Variants in DNAH3 observed in about 807,000 individuals in gnomAD.
DNAH3 encodes the protein axonemal beta dynein heavy chain 3.
A neutral mutation model predicts 432.5 loss-of-function variants in DNAH3; 332 were observed. The ratio of observed to expected loss-of-function variants is 0.77; its 90% CI spans 0.70 to 0.84. DNAH3 has a LOEUF of 0.84. DNAH3 is among the 40% of genes least tolerant of loss of function. The pLI is 0.00. For missense variants in DNAH3, 4,861 were observed against 5,114.0 expected (o/e 0.95, Z 1.51); for synonymous variants, 1,956 against 1,900.2 (o/e 1.03, Z -0.76).
chr16:21,145,030 T>C (rs2092764780), intron 3 of DNAH3, 151 bp downstream of exon 4: 1 of 647,026 alleles, frequency 1.5e-6, no homozygotes, highest in African/African-American at 1.8e-5. Flanking sequence ...GAGAATCACT[T>C]GAATCCGGGA....
At chr16:21,117,394 C>T in intron 11 of DNAH3, 55 bp from the exon 12 acceptor site, 1 of 983,754 alleles carries the variant, frequency 1.0e-6, no homozygotes, top group Admixed American at 2.2e-5. Context: ...GGAGATGGTA[C>T]CCAAATGCAA....
chr16:21,039,789 T>A, intron 33 of DNAH3, 63 bp downstream of exon 33: 2 of 1,202,562 alleles, frequency 1.7e-6, no homozygotes, highest in Non-Finnish European at 2.5e-6. Flanking sequence ...ACCTTGAATC[T>A]GCCACGCAAA....
intron 3 of DNAH3, 23 bp downstream of exon 4, chr16:21,145,158 G>T (rs1485616553): frequency 1.3e-6 from 2 of 1,573,250 alleles, no homozygotes; most frequent in Admixed American, 1.7e-5. Flanking sequence ...CATTCTGCAA[G>T]GGTGTGACAC....
exon 4 of DNAH3, chr16:21,141,304 T>C (rs1166996792): frequency 6.3e-7 from 1 of 1,585,702 alleles, no homozygotes; most frequent in African/African-American, 1.3e-5. Flanking sequence ...TCTTACCTAG[T>C]GGAATCCTCT....
intron 36 of DNAH3, among the ~76,000 whole-genome samples, chr16:21,033,394 C>A (rs2088994092): frequency 6.6e-6 from 1 of 152,184 alleles, no homozygotes; most frequent in South Asian, 2.1e-4. Flanking sequence ...CCATTTGTTG[C>A]GTAGGCACTG....
chr16:20,979,584 A>T (rs765848723), intron 49 of DNAH3, 38 bp from the exon 50 acceptor site: 1 of 1,582,868 alleles, frequency 6.3e-7, no homozygotes. Flanking sequence ...AGGACCCAAC[A>T]TCTTCCAGGG....
intron 23 of DNAH3, among the ~76,000 whole-genome samples, chr16:21,067,955 C>T (rs1171775859): frequency 6.6e-6 from 1 of 152,018 alleles, no homozygotes; most frequent in Non-Finnish European, 1.5e-5. Flanking sequence ...TTGGTCTTCT[C>T]GTTTCAGCTA....
At chr16:21,111,915 CAA>C (rs1453880363) in intron 13 of DNAH3, 76 bp downstream of exon 13, 2 of 1,548,602 alleles carry the variant, frequency 1.3e-6, no homozygotes, top group East Asian at 4.5e-5. Context: ...GTCTATGCAC[CAA>C]AGAGACACTA....
exon 29 of DNAH3, chr16:21,051,677 A>G: frequency 6.2e-7 from 1 of 1,613,044 alleles, no homozygotes; most frequent in Non-Finnish European, 8.5e-7. Flanking sequence ...TACCTGTAGC[A>G]GCGGTCGGTG....
At chr16:21,071,819 G>C (rs1223367581) in intron 21 of DNAH3, among the ~76,000 whole-genome samples, 3 of 151,970 alleles carry the variant, frequency 2.0e-5, no homozygotes, top group African/African-American at 7.3e-5. Flanking sequence ...CTGCTGGGGA[G>C]GAAGATTTCT....
chr16:20,996,142 T>A (rs1327578282), intron 44 of DNAH3, among the ~76,000 whole-genome samples: 2 of 152,248 alleles, frequency 1.3e-5, no homozygotes, highest in Admixed American at 1.3e-4. Flanking sequence ...ATCTGAAAAC[T>A]GTGCAGCCTT....
intron 1 of DNAH3, among the ~76,000 whole-genome samples, chr16:21,152,527 A>G (rs534964817): frequency 6.6e-6 from 1 of 152,254 alleles, no homozygotes; most frequent in Non-Finnish European, 1.5e-5. Context: ...CCACCGCTGC[A>G]CTGTGAGAGC....
At chr16:21,130,999 A>G (rs1048146876) in intron 7 of DNAH3, among the ~76,000 whole-genome samples, 8 of 151,944 alleles carry the variant, frequency 5.3e-5, no homozygotes, top group Admixed American at 3.9e-4. Context: ...TTAGCTAACA[A>G]CTCCAGGAGG....
At chr16:21,067,457 T>A in intron 23 of DNAH3, 38 bp from the exon 24 acceptor site, 2 of 1,609,250 alleles carry the variant, frequency 1.2e-6, no homozygotes, top group Non-Finnish European at 1.7e-6. Context: ...CATCATAAGG[T>A]TCCCAAGTTC....
chr16:21,069,416 G>A (rs201551660), exon 23 of DNAH3: 94 of 1,613,198 alleles, frequency 5.8e-5, no homozygotes, highest in Non-Finnish European at 7.5e-5. Context: ...AAAACTTACC[G>A]CTTGGGACAT....
intron 16 of DNAH3, among the ~76,000 whole-genome samples, chr16:21,101,545 A>G (rs1480094258): frequency 2.0e-5 from 3 of 152,224 alleles, no homozygotes; most frequent in Non-Finnish European, 4.4e-5. Context: ...GGATTCTGGC[A>G]GGAAATAGAA....
chr16:21,159,333 C>T (rs148430717), exon 1 of DNAH3: 5 of 1,613,992 alleles, frequency 3.1e-6, no homozygotes, highest in Non-Finnish European at 4.2e-6. Flanking sequence ...ACCTGCATTT[C>T]ACTCCCTTCC....
intron 29 of DNAH3, 57 bp from the exon 30 acceptor site, chr16:21,050,075 C>T (rs903553771): frequency 1.1e-5 from 14 of 1,265,162 alleles, no homozygotes; most frequent in Non-Finnish European, 1.6e-5. Flanking sequence ...GGAAAGAAAC[C>T]GGCTTTTCAT....
At chr16:20,969,449 G>C (rs2085229507) in intron 52 of DNAH3, among the ~76,000 whole-genome samples, 1 of 151,176 alleles carries the variant, frequency 6.6e-6, no homozygotes, top group African/African-American at 2.4e-5. Context: ...TCTCTCTGTA[G>C]CTCTCCTGGT....
Sources: gnomAD v4.1 joint callset for allele counts (sites outside exome capture counted in the v4.1 genomes callset) on GRCh38, gnomAD v4.1.1 for gene constraint, MANE v1.5 for transcripts, NCBI Gene and HGNC (gene_info 2026-07-23, HGNC 2026-07-21) for gene names.